The following MICU1 variants were observed in gnomAD, a reference collection of about 807,000 sequenced individuals.
MICU1 encodes the protein mitochondrial calcium uptake 1.
Under a neutral mutation model 56.8 loss-of-function variants are expected in MICU1, and 45 were observed. The ratio of observed to expected loss-of-function variants is 0.79; its 90% CI spans 0.62 to 1.02. The LOEUF (loss-of-function observed/expected upper bound fraction) is 1.02. Among genes scored for constraint, MICU1 ranks in the 50% least tolerant of loss-of-function variants. The pLI, the probability that MICU1 is intolerant of heterozygous loss-of-function variation, is 0.00. For synonymous variants in MICU1, 186 were observed against 195.1 expected (o/e 0.95, Z 0.39); for missense variants, 504 against 587.1 (o/e 0.86, Z 1.46).
At position 72,448,193 on chromosome 10, in the gene MICU1, A is replaced by ATTTTTTT. The variant is rs71018289; in HGVS notation, c.934-24829_934-24823dup. 2.3e-3 allele frequency among the ~76,000 whole-genome samples: 86 copies of ATTTTTTT among 36,832 alleles called. 10 individuals carry two copies. The highest frequency in any genetic ancestry group is 3.3e-3 in the Non-Finnish European group (69 of 21,210). 24.2% of individuals were successfully genotyped at this position (36,832 alleles called of 152,430 possible). Reference sequence around the variant, plus strand: ...TGTGTGTATATATATATATATATATATTTTTTTTTTTTTTTTTTTTTTTTG... The same window carrying ATTTTTTT: ...TGTGTGTATATATATATATATATATATTTTTTTTTTTTTTTTTTTTTTTTTTTTTTTG... On this transcript the variant is annotated intron_variant, in intron 8 of 11. Coordinates refer to ENST00000361114, the MANE Select transcript of MICU1 (RefSeq NM_001195518.2).
At chr10:72,601,463 GAATT>G (rs1337438505) in intron 1 of MICU1, among the ~76,000 whole-genome samples, 3 of 135,994 alleles carry the variant, frequency 2.2e-5, no homozygotes, top group African/African-American at 5.4e-5. Flanking sequence ...AGAAAAGAAA[GAATT>G]AATGAAAAAA....
intron 4 of MICU1, among the ~76,000 whole-genome samples, chr10:72,541,053 G>C (rs1022369353): frequency 6.6e-5 from 10 of 152,228 alleles, no homozygotes; most frequent in African/African-American, 2.4e-4. Context: ...ATCTGCAGAT[G>C]AAAGTGCCTT....
intron 1 of MICU1, among the ~76,000 whole-genome samples, chr10:72,594,207 A>G (rs1427599312): frequency 6.6e-6 from 1 of 152,244 alleles, no homozygotes; most frequent in East Asian, 1.9e-4. Context: ...AAGCCCTCAC[A>G]TACGTGGTCA....
intron 10 of MICU1, among the ~76,000 whole-genome samples, chr10:72,393,194 G>T (rs1164244733): frequency 6.6e-6 from 1 of 152,140 alleles, no homozygotes; most frequent in African/African-American, 2.4e-5. Context: ...CCCAAGTGTT[G>T]TTCTAGGCAC....
Position 72,390,667 on chromosome 10 carries a change from AC to A in MICU1, c.1181-14796del, listed in dbSNP as rs1433439097. The stretch of plus-strand genomic sequence containing the variant: ...AAGGTGCCAATTTCTGAAGGTTCTA[AC>A]CTTTTGGGAAAAAATGAAGACAGCT... On this transcript the variant is annotated intron_variant, in intron 10 of 11. Transcript: ENST00000361114. Among the ~76,000 whole-genome samples the A allele has an allele frequency of 5.3e-5, 8 of 152,182 alleles. No individual in the cohort carries two copies. In the East Asian group the frequency reaches 1.5e-3, roughly 29 times the overall value.
chr10:72,585,908 T>A (rs1266623335), intron 1 of MICU1, among the ~76,000 whole-genome samples: 1 of 151,838 alleles, frequency 6.6e-6, no homozygotes, highest in East Asian at 1.9e-4. Context: ...AGATAACTTA[T>A]AATACTTAAT....
Position 72,423,354 on chromosome 10 carries a change from A to T in MICU1, c.951T>A (p.Pro317=). ...GCCTCTCAGTAATTCTCCCATCCACAGGGTCATGGCGTTCAAACTGGGAGG... is the reference window on the plus strand; with the variant it reads ...GCCTCTCAGTAATTCTCCCATCCACTGGGTCATGGCGTTCAAACTGGGAGG... The part of the protein sequence containing the change: ...VLKLEFERHD[P]VDGRITERQF... Residue 317 remains proline, a synonymous_variant, in exon 9 of 12, where the codon CCT becomes CCA. Coordinates refer to ENST00000361114, the MANE Select transcript of MICU1 (RefSeq NM_001195518.2). 1 of 1,613,790 alleles carries T rather than the reference A, an allele frequency of 6.2e-7. No individual in the cohort carries two copies. Among genetic ancestry groups the T allele is most frequent in the Non-Finnish European group, 8.5e-7 (1 of 1,179,804 alleles).
intron 1 of MICU1, among the ~76,000 whole-genome samples, chr10:72,585,918 TAC>T (rs748692059): frequency 6.6e-6 from 1 of 151,546 alleles, no homozygotes; most frequent in Non-Finnish European, 1.5e-5. Flanking sequence ...TAATACTTAA[TAC>T]AATGTAAATA....
chr10:72,522,017 T>C (rs1344352612), intron 5 of MICU1, among the ~76,000 whole-genome samples: 1 of 152,086 alleles, frequency 6.6e-6, no homozygotes, highest in East Asian at 1.9e-4. Flanking sequence ...CATTCAAGTT[T>C]AGAATTTTAA....
At chr10:72,592,836 G>T (rs1465089438) in intron 1 of MICU1, among the ~76,000 whole-genome samples, 1 of 150,064 alleles carries the variant, frequency 6.7e-6, no homozygotes, top group East Asian at 2.0e-4. Context: ...AGGCTGGAGA[G>T]CAATGGCGCA....
chr10:72,412,855 A>G (rs35070528), intron 9 of MICU1, among the ~76,000 whole-genome samples: 1 of 106,556 alleles, frequency 9.4e-6, no homozygotes. Context: ...CTGTCTCCAG[A>G]AAAAAAAAAA....
chr10:72,622,018 A>G (rs907964268), intron 1 of MICU1, among the ~76,000 whole-genome samples: 1 of 152,118 alleles, frequency 6.6e-6, no homozygotes, highest in Non-Finnish European at 1.5e-5. Context: ...GGTTCACGCC[A>G]TTCTCCTGCC....
At chr10:72,502,591 T>C (rs1416476376) in intron 6 of MICU1, among the ~76,000 whole-genome samples, 1 of 152,196 alleles carries the variant, frequency 6.6e-6, no homozygotes. Context: ...TGAATGCATA[T>C]GCTAATGTAC....
At chr10:72,444,273 G>T (rs1313625571) in intron 8 of MICU1, among the ~76,000 whole-genome samples, 2 of 152,010 alleles carry the variant, frequency 1.3e-5, no homozygotes, top group Non-Finnish European at 2.9e-5. Flanking sequence ...CCTAATGCTA[G>T]ATGACGAGTT....
chr10:72,420,686 T>G (rs894994460), intron 9 of MICU1, among the ~76,000 whole-genome samples: 3 of 151,810 alleles, frequency 2.0e-5, no homozygotes, highest in Non-Finnish European at 2.9e-5. Flanking sequence ...GGATTTTTTT[T>G]TTTTTTAAGA....
intron 10 of MICU1, among the ~76,000 whole-genome samples, chr10:72,394,875 T>G (rs910935666): frequency 1.3e-5 from 2 of 151,956 alleles, no homozygotes; most frequent in African/African-American, 4.8e-5. Flanking sequence ...CCTAATTTTT[T>G]TTCTTTTAGA....
chr10:72,479,728 A>C (rs1020918726), intron 6 of MICU1, among the ~76,000 whole-genome samples: 4 of 152,026 alleles, frequency 2.6e-5, no homozygotes, highest in African/African-American at 7.2e-5. Flanking sequence ...GTCTCACTAC[A>C]TTGCCCAGGC....
chr10:72,374,729 G>A (rs1019114845), intron 11 of MICU1, among the ~76,000 whole-genome samples: 4 of 150,934 alleles, frequency 2.7e-5, no homozygotes, highest in Non-Finnish European at 5.9e-5. Context: ...TGGGGTAAGA[G>A]AGGGTGGTAA....
Position 72,454,771 on chromosome 10 carries a change from A to G in MICU1, c.933+20329T>C, listed in dbSNP as rs1865404436. On this transcript the variant is annotated intron_variant, in intron 8 of 11. Coordinates refer to ENST00000361114, the MANE Select transcript of MICU1 (RefSeq NM_001195518.2). ...GCACTCCAGCCTGGGTGACAGAGCG[A>G]AACTCCATCTCAAAAAAAAAAAAAA... is the stretch of plus-strand genomic sequence containing the variant. Among the ~76,000 whole-genome samples, 3 of 141,366 alleles carry G rather than the reference A, an allele frequency of 2.1e-5. No individual in the cohort carries two copies. The Admixed American group carries it at 2.2e-4, about 10-fold the overall frequency. 92.7% of individuals were successfully genotyped at this position (141,366 alleles called of 152,430 possible).
Sources: gnomAD v4.1 joint callset for allele counts (sites outside exome capture counted in the v4.1 genomes callset) on GRCh38, gnomAD v4.1.1 for gene constraint, MANE v1.5 for transcripts, NCBI Gene and HGNC (gene_info 2026-07-23, HGNC 2026-07-21) for gene names.